ARL10: variants seen among roughly 807,000 people sequenced by gnomAD.
The protein encoded by ARL10 is ADP-ribosylation factor-like protein 10.
ARL10 carries 23 observed loss-of-function variants against 26.1 expected under a neutral mutation model. That is an observed-to-expected ratio of 0.88 (90% CI 0.63 to 1.25). The LOEUF (loss-of-function observed/expected upper bound fraction) is 1.25, where lower values mean the gene tolerates loss of function less well. Ranked by LOEUF, ARL10 falls within the 50% of genes most tolerant of loss-of-function variation. ARL10 has a pLI of 0.00. For synonymous variants in ARL10, 138 were observed against 149.1 expected, an observed-to-expected ratio of 0.93 and a Z score of 0.54; for missense variants, 300 against 323.6, an observed-to-expected ratio of 0.93 and a Z score of 0.56.
intron 1 of ARL10, among the ~76,000 whole-genome samples, chr5:176,394,687 C>G (rs955588539): frequency 6.6e-6 from 1 of 152,068 alleles, no homozygotes; most frequent in African/African-American, 2.4e-5. Context: ...TGGTGGCGGG[C>G]ACCTGTAGTC....
downstream of ARL10, among the ~76,000 whole-genome samples, chr5:176,390,249 G>A (rs1396072950): frequency 6.6e-6 from 1 of 150,694 alleles, no homozygotes; most frequent in African/African-American, 2.4e-5. Context: ...TGGGCCTAGA[G>A]TAATGCCATT....
chr5:176,406,495 C>A, downstream of ARL10: 1 of 1,214,400 alleles, frequency 8.2e-7, no homozygotes, highest in Non-Finnish European at 1.1e-6. Context: ...CTAAGCTGAG[C>A]TGCTGATTCC....
intron 1 of ARL10, among the ~76,000 whole-genome samples, chr5:176,396,028 G>T (rs373975853): frequency 6.6e-6 from 1 of 152,076 alleles, no homozygotes; most frequent in Non-Finnish European, 1.5e-5. Context: ...TCAGCTACTC[G>T]GGAGGCTGAG....
chr5:176,383,898 G>A (rs560385511), downstream of ARL10: 729 of 1,386,178 alleles, frequency 5.3e-4, no homozygotes, highest in Non-Finnish European at 6.8e-4. Context: ...CACCGGGGCA[G>A]CCCCAGGGTT....
intron 1 of ARL10, chr5:176,396,536 G>C (rs991439684): frequency 2.5e-6 from 4 of 1,612,588 alleles, no homozygotes; most frequent in Non-Finnish European, 3.4e-6. Context: ...AGCGATCCTT[G>C]AGGGAAAGGT....
Position 176,366,667 on chromosome 5 carries a change from A to G in ARL10, c.385+86A>G, listed in dbSNP as rs573165462. 2.6e-4 allele frequency: 385 copies of G among 1,456,706 alleles called. 1 individual carries two copies. In the South Asian group the frequency reaches 4.6e-3, roughly 17 times the overall value. 90.2% of individuals were successfully genotyped at this position (1,456,706 alleles called of 1,614,324 possible). A position where few individuals can be genotyped will look rare whatever the true frequency, so the allele number is the denominator to read the frequency against. ...GCAGGGAAGGGGGCTTCCAAAATGCATGTCTAAGCAGCACATTCCCCTCTA... is the reference window on the plus strand; with the variant it reads ...GCAGGGAAGGGGGCTTCCAAAATGCGTGTCTAAGCAGCACATTCCCCTCTA... On this transcript the variant is annotated intron_variant, in intron 2 of 3. Transcript: ENST00000310389.
downstream of ARL10, chr5:176,385,957 A>C (rs1375331826): frequency 2.0e-5 from 3 of 152,642 alleles, no homozygotes; most frequent in African/African-American, 7.2e-5. Context: ...GTCGAATCAT[A>C]TCCAGAGGTT....
the ARL10 span, among the ~76,000 whole-genome samples, chr5:176,408,442 A>G: frequency 6.6e-6 from 1 of 151,860 alleles, no homozygotes; most frequent in Non-Finnish European, 1.5e-5. Flanking sequence ...AGGCTGAGGC[A>G]GGAGAATCAC....
intron 1 of ARL10, among the ~76,000 whole-genome samples, chr5:176,401,549 G>A (rs917463569): frequency 6.6e-6 from 1 of 152,170 alleles, no homozygotes; most frequent in Non-Finnish European, 1.5e-5. Flanking sequence ...TGTAGGGGAG[G>A]AGGAAGGGAA....
downstream of ARL10, chr5:176,389,038 A>G: frequency 1.3e-6 from 2 of 1,587,090 alleles, no homozygotes; most frequent in Non-Finnish European, 1.7e-6. Flanking sequence ...GGAAGTAGAG[A>G]AGGACCAGAG....
At chr5:176,409,889 C>T in the ARL10 span, among the ~76,000 whole-genome samples, 1 of 152,204 alleles carries the variant, frequency 6.6e-6, no homozygotes, top group Non-Finnish European at 1.5e-5. Flanking sequence ...ATCTCTGGAT[C>T]AAAGGGCCCG....
the ARL10 span, among the ~76,000 whole-genome samples, chr5:176,412,048 C>T: frequency 1.0e-3 from 155 of 151,850 alleles, no homozygotes; most frequent in Non-Finnish European, 9.7e-4. Context: ...TGGTGGCAGG[C>T]GCCTGTAGTC....
chr5:176,388,397 G>C (rs1405591916), exon 2 of ARL10: 2 of 1,612,990 alleles, frequency 1.2e-6, no homozygotes, highest in Admixed American at 3.3e-5. Flanking sequence ...CGTCCCGGCC[G>C]AGGCCCACGG....
chr5:176,389,195 C>A, downstream of ARL10: 1 of 1,161,658 alleles, frequency 8.6e-7, no homozygotes, highest in Non-Finnish European at 1.2e-6. Flanking sequence ...CTAGGAAGAC[C>A]TCGACTCGAC....
chr5:176,389,088 A>G (rs1756146411), downstream of ARL10: 2 of 1,352,472 alleles, frequency 1.5e-6, no homozygotes, highest in African/African-American at 1.4e-5. Flanking sequence ...TAGAGAAGAG[A>G]CGAGGGGGCG....
In ARL10 at chr5:176,373,237, T is replaced by C. The variant is rs181670637; in HGVS notation, c.*1342T>C. 9.3e-4 allele frequency: 367 copies of C among 392,686 alleles called. 1 individual carries two copies. Among genetic ancestry groups the C allele is most frequent in the African/African-American group, 6.8e-3 (333 of 48,644 alleles). 24.3% of individuals were successfully genotyped at this position (392,686 alleles called of 1,614,324 possible). On this transcript the variant is annotated 3_prime_UTR_variant, in exon 4 of 4. Coordinates refer to ENST00000310389, the MANE Select transcript of ARL10 (RefSeq NM_173664.6). ...ATCACTCAGCCTTTCTGGACCCAAT[T>C]TTTCCCCAGTGAAAGCCAAGTTGGA...
chr5:176,376,951 C>T lies in ARL10; in HGVS notation c.*5056C>T, dbSNP rs1768704411. On this transcript the variant is annotated 3_prime_UTR_variant, in exon 4 of 4. Coordinates refer to ENST00000310389, the MANE Select transcript of ARL10 (RefSeq NM_173664.6). The stretch of plus-strand genomic sequence containing the variant: ...AGATTGTGAAGGCTTTGATGGTCCT[C>T]TGTGGGTCACAGAAAGTTTATTTTA... 6.6e-6 allele frequency: 1 copy of T among 152,190 alleles called. No individual in the cohort carries two copies. Among genetic ancestry groups the T allele is most frequent in the South Asian group, 2.1e-4 (1 of 4,834 alleles). The allele number at this position is 152,190 out of a possible 1,614,324, so 9.4% of individuals were successfully genotyped here. A position where few individuals can be genotyped will look rare whatever the true frequency, so the allele number is the denominator to read the frequency against.
chr5:176,369,256 A>C, intron 3 of ARL10: 2 of 1,367,666 alleles, frequency 1.5e-6, no homozygotes, highest in South Asian at 2.5e-5. Context: ...TTTTTGAGAC[A>C]GAGTCTTGTT....
At chr5:176,385,159 G>GA (rs747142390), downstream of ARL10, 68 of 912,898 alleles carry the variant, frequency 7.4e-5, no homozygotes, top group African/African-American at 8.6e-4. Context: ...TGCGCAAGCA[G>GA]ATCAAGCCGC....
Sources: gnomAD v4.1 joint callset for allele counts (sites outside exome capture counted in the v4.1 genomes callset) on GRCh38, gnomAD v4.1.1 for gene constraint, MANE v1.5 for transcripts, NCBI Gene and HGNC (gene_info 2026-07-23, HGNC 2026-07-21) for gene names.